The following ENTPD6 variants were observed in gnomAD, a reference collection of about 807,000 sequenced individuals.
ENTPD6 encodes CD39 antigen-like 2.
A neutral mutation model predicts 61.5 loss-of-function variants in ENTPD6; 46 were observed. The observed-to-expected ratio is 0.75, with a 90% confidence interval of 0.59 to 0.96. ENTPD6 has a LOEUF of 0.96. ENTPD6 is among the 40% of genes least tolerant of loss of function. ENTPD6 has a pLI of 0.00. For missense variants in ENTPD6, 612 were observed against 629.0 expected, an observed-to-expected ratio of 0.97 and a Z score of 0.29; for synonymous variants, 252 against 255.5, an observed-to-expected ratio of 0.99 and a Z score of 0.13.
Position 25,225,750 on chromosome 20 carries a change from C to T in ENTPD6, c.*153C>T. The T allele has an allele frequency of 1.6e-6, 1 of 642,450 alleles. No homozygotes were observed. The highest frequency in any genetic ancestry group is 2.7e-6 in the Non-Finnish European group (1 of 368,786). The allele number at this position is 642,450 out of a possible 1,614,324, so 39.8% of individuals were successfully genotyped here. ...GGGACTTGCAGAAGGCCTGGTGCTG[C>T]CCTGGCATCAGCCTCTTCCAGTCAC... On this transcript the variant is annotated 3_prime_UTR_variant, in exon 15 of 15. Coordinates refer to ENST00000376652, the MANE Select transcript of ENTPD6 (RefSeq NM_001247.5).
intron 3 of ENTPD6, 57 bp from the exon 4 acceptor site, chr20:25,209,792 A>G: frequency 2.1e-6 from 3 of 1,436,200 alleles, no homozygotes; most frequent in Non-Finnish European, 2.9e-6. Context: ...TCATGATTGT[A>G]TGTGTTCTCC....
chr20:25,196,144 A>C, intron 1 of ENTPD6: 3 of 1,219,702 alleles, frequency 2.5e-6, no homozygotes, highest in Non-Finnish European at 3.1e-6. Flanking sequence ...TGCTGCGTTC[A>C]TTCATTCAGC....
intron 3 of ENTPD6, among the ~76,000 whole-genome samples, chr20:25,209,200 C>G (rs1190574543): frequency 3.3e-5 from 5 of 151,976 alleles, no homozygotes; most frequent in Admixed American, 3.3e-4. Flanking sequence ...AGCTCCGCCC[C>G]CCGGGTTCAT....
chr20:25,227,815 T>C lies in ENTPD6; in HGVS notation c.*2218T>C, dbSNP rs1206895423. On this transcript the variant is annotated 3_prime_UTR_variant, in exon 15 of 15. Coordinates refer to ENST00000376652, the MANE Select transcript of ENTPD6 (RefSeq NM_001247.5). ...ATAAGCAGACGTTGCCACGTTGCCT[T>C]CAATCCTACTGGACAAGCATCGGTG... Among the ~76,000 whole-genome samples, 1 of 152,254 alleles carries C rather than the reference T, an allele frequency of 6.6e-6. No homozygotes were observed. Among genetic ancestry groups the C allele is most frequent in the Admixed American group, 6.5e-5 (1 of 15,282 alleles).
chr20:25,223,001 A>AGGGGGGGGGGGGTGG, intron 12 of ENTPD6, 23 bp downstream of exon 12: 1 of 1,379,648 alleles, frequency 7.2e-7, no homozygotes, highest in Non-Finnish European at 9.9e-7. Context: ...GGATGGGCTG[A>AGGGGGGGGGGGGTGG]GCAGGAAGGT....
chr20:25,195,950 C>G (rs775376129), intron 1 of ENTPD6, 83 bp downstream of exon 1: 3 of 1,118,292 alleles, frequency 2.7e-6, no homozygotes, highest in Non-Finnish European at 3.4e-6. Flanking sequence ...GCGCGCTGCG[C>G]TCCGGAGGAC....
At position 25,209,869 on chromosome 20, in the gene ENTPD6, G is replaced by T; in HGVS notation, c.397G>T (p.Glu133Ter). ...CTTAGAAACTCCCACGTTAACCCAC[G>T]AAACCTTCAAAGCACTGAAGCCAGG... ...PPRETPTLTH[E>*]TFKALKPGLS... The change falls in exon 4 of 15, where the codon GAA becomes TAA. Residue 133 changes from glutamate (E) to a stop codon, truncating the protein, a stop_gained. Transcript: ENST00000376652. LOFTEE classifies it high-confidence loss of function. The T allele has an allele frequency of 6.2e-7, 1 of 1,614,090 alleles. No homozygotes were observed. The highest frequency in any genetic ancestry group is 2.2e-5 in the East Asian group (1 of 44,876).
In ENTPD6 at chr20:25,217,388, C is replaced by G. The variant is rs1172590725; in HGVS notation, c.799-114C>G. On this transcript the variant is annotated intron_variant, in intron 8 of 14. Transcript: ENST00000376652. ...TCGCAGCCAGCGACCTAGTGAACAG[C>G]TCATTTAATTGGCTGCACCTGACCA... is the stretch of plus-strand genomic sequence containing the variant. 7 of 949,432 alleles carry G rather than the reference C, an allele frequency of 7.4e-6. No individual in the cohort carries two copies. The East Asian group carries it at 1.7e-4, about 23-fold the overall frequency. 58.8% of individuals were successfully genotyped at this position (949,432 alleles called of 1,614,324 possible).
intron 3 of ENTPD6, among the ~76,000 whole-genome samples, chr20:25,208,454 T>G (rs927462038): frequency 1.3e-5 from 2 of 149,904 alleles, no homozygotes; most frequent in Admixed American, 6.6e-5. Flanking sequence ...CTCAAAAAAT[T>G]TTTTTTTAAG....
At position 25,212,061 on chromosome 20, in the gene ENTPD6, C is replaced by T. The variant is rs74623601; in HGVS notation, c.454-1202C>T. ...CTGGGCTCAAGTAATCCTGCCACCT[C>T]GGCCTCCCAAGATGAATTACTGGAG... On this transcript the variant is annotated intron_variant, in intron 4 of 14. Transcript: ENST00000376652. 8.6e-3 allele frequency among the ~76,000 whole-genome samples: 1,316 copies of T among 152,310 alleles called. 27 individuals are homozygous for T. The highest frequency in any genetic ancestry group is 0.03 in the African/African-American group (1,266 of 41,560).
rs941830154 is a variant in ENTPD6, at chr20:25,226,925, C to T, written c.*1328C>T. Among the ~76,000 whole-genome samples the T allele has an allele frequency of 2.0e-5, 3 of 152,250 alleles. No homozygotes were observed. Among genetic ancestry groups the T allele is most frequent in the African/African-American group, 2.4e-5 (1 of 41,462 alleles). Reference sequence around the variant, plus strand: ...TGGCTGGTGGCCCCGGCCCTCCCAGCGTCTGTTGAGCACAGCTCCTCCTGT... The same window carrying T: ...TGGCTGGTGGCCCCGGCCCTCCCAGTGTCTGTTGAGCACAGCTCCTCCTGT... On this transcript the variant is annotated 3_prime_UTR_variant, in exon 15 of 15. Transcript: ENST00000376652.
At position 25,218,625 on chromosome 20, in the gene ENTPD6, A is replaced by C. The variant is rs1280114191; in HGVS notation, c.943+11A>C. ...TGGAGGGGCAGCCTGGTGAGTGGAC[A>C]TGTTGCCCCGGGCCCACTTTCACAG... On this transcript the variant is annotated intron_variant, in intron 10 of 14. Coordinates refer to ENST00000376652, the MANE Select transcript of ENTPD6 (RefSeq NM_001247.5). The C allele has an allele frequency of 9.4e-6, 15 of 1,595,596 alleles. No individual in the cohort carries two copies. The highest frequency in any genetic ancestry group is 1.2e-5 in the Non-Finnish European group (14 of 1,174,050).
In ENTPD6 at chr20:25,216,729, G is replaced by A. The variant is rs774493774; in HGVS notation, c.791G>A (p.Arg264His). ...TCCACTCAGATCGCCTTCCTGCCAC[G>A]CGTGGAGGTAACAAGCCCTGCCGAC... is the stretch of plus-strand genomic sequence containing the variant. ...GGSTQIAFLP[R>H]VEGTLQASPP... is the part of the protein sequence containing the mutation. Residue 264 changes from arginine to histidine, a missense_variant, in exon 8 of 15, where the codon CGC becomes CAC. By Grantham distance (29) the Arg-to-His change is conservative. Transcript: ENST00000376652. The A allele has an allele frequency of 1.1e-4, 170 of 1,594,756 alleles. No individual in the cohort carries two copies. The highest frequency in any genetic ancestry group is 3.3e-4 in the Middle Eastern group (2 of 6,036).
In ENTPD6 at chr20:25,214,922, T is replaced by C. The variant is rs2092228644; in HGVS notation, c.653T>C (p.Ile218Thr). ...PFLVGDDCVS[I>T]MNGTDEGVSA... ...CTTGTAGGGGATGACTGTGTTTCCA[T>C]CATGAACGGAACAGATGAAGGTAAA... Residue 218 changes from isoleucine (I) to threonine (T), a missense_variant, in exon 6 of 15, where the codon ATC becomes ACC. Transcript: ENST00000376652. 1.2e-6 allele frequency: 2 copies of C among 1,609,386 alleles called. No individual in the cohort carries two copies. The highest frequency in any genetic ancestry group is 1.3e-5 in the African/African-American group (1 of 74,800).
In ENTPD6 at chr20:25,221,225, G is replaced by A. The variant is rs950186142; in HGVS notation, c.944-7G>A. The A allele has an allele frequency of 1.1e-5, 17 of 1,609,062 alleles. No individual in the cohort carries two copies. Among genetic ancestry groups the A allele is most frequent in the East Asian group, 2.2e-5 (1 of 44,800 alleles). ...CCTTTCTCTTTCCTTTTTAATCTCT[G>A]TTTCAGCTAAGGATGGAAAGGAGTT... On this transcript the variant is annotated splice_region_variant and splice_polypyrimidine_tract_variant and intron_variant, in intron 10 of 14. Transcript: ENST00000376652.
intron 1 of ENTPD6, among the ~76,000 whole-genome samples, chr20:25,203,307 C>A (rs1431200176): frequency 6.6e-6 from 1 of 152,136 alleles, no homozygotes; most frequent in Non-Finnish European, 1.5e-5. Flanking sequence ...TGTTTATATT[C>A]ATGTCTTTAG....
chr20:25,206,310 G>A (rs1255663670), intron 1 of ENTPD6, among the ~76,000 whole-genome samples: 2 of 152,232 alleles, frequency 1.3e-5, no homozygotes, highest in African/African-American at 2.4e-5. Context: ...CCCAAGGTTG[G>A]GGGCCCTAGA....
intron 10 of ENTPD6, among the ~76,000 whole-genome samples, chr20:25,220,402 T>TG (rs2092583671): frequency 6.6e-6 from 1 of 150,862 alleles, no homozygotes. Flanking sequence ...GCTGGGGTTC[T>TG]GGGGGTCTGT....
rs749309745 is a variant in ENTPD6, at chr20:25,221,340, G to A, written c.1045+7G>A. ...GTTTCAGGGCAGAAAGCAGGTACGG[G>A]GAGGGTTGCTGCCTGTTGGTTTCTG... On this transcript the variant is annotated splice_region_variant and intron_variant, in intron 11 of 14. Transcript: ENST00000376652. 4 of 1,611,314 alleles carry A rather than the reference G, an allele frequency of 2.5e-6. No homozygotes were observed. The highest frequency in any genetic ancestry group is 4.5e-5 in the East Asian group (2 of 44,862).
Sources: gnomAD v4.1 joint callset for allele counts (sites outside exome capture counted in the v4.1 genomes callset) on GRCh38, gnomAD v4.1.1 for gene constraint, MANE v1.5 for transcripts, NCBI Gene and HGNC (gene_info 2026-07-23, HGNC 2026-07-21) for gene names.